The following COL23A1 variants were observed in gnomAD, a reference collection of about 807,000 sequenced individuals.
COL23A1 encodes the protein collagen type XXIII alpha 1 chain.
In COL23A1, 97 loss-of-function variants were observed where a neutral mutation model predicts 99.3. The ratio of observed to expected loss-of-function variants is 0.98; its 90% CI spans 0.83 to 1.16. COL23A1 has a LOEUF of 1.16. COL23A1 is among the 50% of genes most tolerant of loss of function. The probability of loss-of-function intolerance (pLI) is 0.00; values close to 1 mark genes in which losing one functional copy is unlikely to be tolerated. For missense variants in COL23A1, 762 were observed against 757.4 expected (o/e 1.01, Z -0.07); for synonymous variants, 320 against 308.2 (o/e 1.04, Z -0.40).
At chr5:178,519,193 TCTTCC>T (rs1759805368) in intron 2 of COL23A1, among the ~76,000 whole-genome samples, 1 of 152,232 alleles carries the variant, frequency 6.6e-6, no homozygotes, top group Admixed American at 6.5e-5. Context: ...AATTTTATCA[TCTTCC>T]CTCTCTGCCC....
At chr5:178,279,541 C>T (rs553599156) in intron 5 of COL23A1, among the ~76,000 whole-genome samples, 3 of 152,142 alleles carry the variant, frequency 2.0e-5, no homozygotes, top group Admixed American at 6.5e-5. Flanking sequence ...AGAACCTCCA[C>T]GTGGCTGGGA....
intron 4 of COL23A1, chr5:178,288,660 G>A: frequency 1.9e-6 from 1 of 517,884 alleles, no homozygotes; most frequent in East Asian, 3.3e-5. Flanking sequence ...GGGTTCTGGA[G>A]GGTGCAGCCA....
At chr5:178,567,742 T>C (rs1294397953) in intron 1 of COL23A1, among the ~76,000 whole-genome samples, 1 of 152,172 alleles carries the variant, frequency 6.6e-6, no homozygotes, top group Non-Finnish European at 1.5e-5. Flanking sequence ...TGGCCAAAGC[T>C]GGAACAATTT....
At chr5:178,447,902 T>C (rs1340065305) in intron 2 of COL23A1, among the ~76,000 whole-genome samples, 2 of 152,082 alleles carry the variant, frequency 1.3e-5, no homozygotes, top group Non-Finnish European at 2.9e-5. Flanking sequence ...CCGTTTCTGG[T>C]TGGGGCAATG....
intron 2 of COL23A1, among the ~76,000 whole-genome samples, chr5:178,465,500 C>T (rs1032908312): frequency 5.3e-5 from 8 of 152,218 alleles, no homozygotes; most frequent in Non-Finnish European, 1.2e-4. Flanking sequence ...TGACATGGGC[C>T]TCCGAGCAAG....
intron 2 of COL23A1, among the ~76,000 whole-genome samples, chr5:178,403,405 C>T (rs1456201705): frequency 6.6e-6 from 1 of 152,156 alleles, no homozygotes; most frequent in Non-Finnish European, 1.5e-5. Flanking sequence ...GCTACTTGCC[C>T]TTCCTTCCCT....
At chr5:178,505,764 C>T (rs902673326) in intron 2 of COL23A1, among the ~76,000 whole-genome samples, 2 of 151,990 alleles carry the variant, frequency 1.3e-5, no homozygotes, top group Non-Finnish European at 2.9e-5. Context: ...TGATGGAGGC[C>T]CAGGAGGACT....
intron 2 of COL23A1, chr5:178,351,098 C>T (rs192831903): frequency 2.6e-5 from 4 of 152,372 alleles, no homozygotes; most frequent in Admixed American, 6.5e-5. Flanking sequence ...ACTGTCCCCG[C>T]GGGGTGGCAC....
In COL23A1 at chr5:178,544,142, C is replaced by CT. The variant is rs1761449383; in HGVS notation, c.361+16539dup. Among the ~76,000 whole-genome samples the CT allele has an allele frequency of 3.9e-5, 6 of 152,154 alleles. No individual in the cohort carries two copies. In the South Asian group the frequency reaches 1.2e-3, roughly 32 times the overall value. Reference sequence around the variant, plus strand: ...TCTCCGGGGCATGTCCCTCCTTACACTCTCCCTCCTCCTGCAAGCACTCTT... The same window carrying CT: ...TCTCCGGGGCATGTCCCTCCTTACACTTCTCCCTCCTCCTGCAAGCACTCTT... On this transcript the variant is annotated intron_variant, in intron 2 of 28. Coordinates refer to ENST00000390654, the MANE Select transcript of COL23A1 (RefSeq NM_173465.4). The surrounding 1 kb of genome is among the most constrained non-coding windows in gnomAD (Gnocchi z 4.4).
At chr5:178,381,857 A>T (rs2973731) in intron 2 of COL23A1, among the ~76,000 whole-genome samples, 1 of 151,950 alleles carries the variant, frequency 6.6e-6, no homozygotes, top group Non-Finnish European at 1.5e-5. Flanking sequence ...ACTGTTCTTG[A>T]ACTGCTGAGC....
chr5:178,348,497 G>C (rs1761118083), intron 2 of COL23A1, among the ~76,000 whole-genome samples: 1 of 152,258 alleles, frequency 6.6e-6, no homozygotes, highest in East Asian at 1.9e-4. Context: ...ACCTCCCTTG[G>C]CAGTCAGGGT....
chr5:178,426,383 C>T (rs886657291), intron 2 of COL23A1, among the ~76,000 whole-genome samples: 22 of 152,208 alleles, frequency 1.4e-4, no homozygotes, highest in Middle Eastern at 3.2e-3. Context: ...TTCTGTGTTG[C>T]TTCTTCACCT....
intron 5 of COL23A1, among the ~76,000 whole-genome samples, chr5:178,279,637 G>A (rs1581515013): frequency 6.6e-6 from 1 of 152,158 alleles, no homozygotes; most frequent in Non-Finnish European, 1.5e-5. Context: ...CACCCGGGGT[G>A]GAACTCCAGA....
At chr5:178,419,476 C>G (rs1430023813) in intron 2 of COL23A1, among the ~76,000 whole-genome samples, 1 of 152,204 alleles carries the variant, frequency 6.6e-6, no homozygotes, top group Non-Finnish European at 1.5e-5. Context: ...GAATTATCTC[C>G]TTTAATCTGC....
At chr5:178,407,347 T>A (rs533689274) in intron 2 of COL23A1, among the ~76,000 whole-genome samples, 447 of 152,336 alleles carry the variant, frequency 2.9e-3, no homozygotes, top group Non-Finnish European at 4.9e-3. Flanking sequence ...ATCAGCATGG[T>A]GTCGGAGGGG....
At chr5:178,571,851 C>T (rs1562100859) in intron 1 of COL23A1, among the ~76,000 whole-genome samples, 2 of 152,132 alleles carry the variant, frequency 1.3e-5, no homozygotes, top group Admixed American at 6.6e-5. Context: ...GGGCGGATCA[C>T]AAGGTCAGGA....
chr5:178,266,887 GA>G (rs1755934949), intron 8 of COL23A1, among the ~76,000 whole-genome samples: 1 of 152,254 alleles, frequency 6.6e-6, no homozygotes, highest in South Asian at 2.1e-4. Context: ...CACAGTTGAA[GA>G]AACTGAGTCT....
chr5:178,345,044 A>G, intron 2 of COL23A1: 1 of 583,674 alleles, frequency 1.7e-6, no homozygotes, highest in Non-Finnish European at 3.3e-6. Flanking sequence ...AGATCTCCAG[A>G]GTCATTTGGA....
At chr5:178,398,233 C>T (rs1005472443) in intron 2 of COL23A1, among the ~76,000 whole-genome samples, 1 of 152,258 alleles carries the variant, frequency 6.6e-6, no homozygotes, top group Admixed American at 6.5e-5. Flanking sequence ...CTCCCTTTAT[C>T]AACATGCTGT....
Sources: gnomAD v4.1 joint callset for allele counts (sites outside exome capture counted in the v4.1 genomes callset) on GRCh38, gnomAD v4.1.1 for gene constraint, Gnocchi (gnomAD v3.1) non-coding constraint, MANE v1.5 for transcripts, NCBI Gene and HGNC (gene_info 2026-07-23, HGNC 2026-07-21) for gene names.